Variants in KRIT1 observed in about 807,000 individuals in gnomAD.
KRIT1 encodes the protein KRIT1 ankyrin repeat containing.
Under a neutral mutation model 95.8 loss-of-function variants are expected in KRIT1, and 45 were observed. The observed-to-expected ratio is 0.47, with a 90% CI of 0.37 to 0.60. The LOEUF is 0.60. Among genes scored for constraint, KRIT1 ranks in the 20% least tolerant of loss-of-function variants. The probability of loss-of-function intolerance (pLI) is 0.00; values close to 1 mark genes in which losing one functional copy is unlikely to be tolerated. For synonymous variants in KRIT1, 282 were observed against 278.8 expected (o/e 1.01, Z -0.11); for missense variants, 788 against 877.5 (o/e 0.90, Z 1.29).
rs1382124919 is a variant in KRIT1 at position 92,241,110 on chromosome 7, T to C, written c.145A>G (p.Arg49Gly). Reference protein sequence around the residue: ...EVPIEGQKKKRKKVLLETKLQ... With the variant: ...EVPIEGQKKKGKKVLLETKLQ... ...TTCGTTTCCAATAAAACTTTCTTTCTCTTTTTTTTCTGTCCTTCAATGGGA... is the reference window on the plus strand; with the variant it reads ...TTCGTTTCCAATAAAACTTTCTTTCCCTTTTTTTTCTGTCCTTCAATGGGA... Residue 49 changes from arginine (R) to glycine (G), a missense_variant, in exon 5 of 19, where the codon AGA becomes GGA. This residue lies in a region of KRIT1 where 289 missense variants were observed against 277.5 expected (regional missense o/e 1.04). Transcript: ENST00000394505. 1.2e-6 allele frequency: 2 copies of C among 1,610,992 alleles called. No homozygotes were observed. Among genetic ancestry groups the C allele is most frequent in the East Asian group, 4.5e-5 (2 of 44,850 alleles).
intron 10 of KRIT1, among the ~76,000 whole-genome samples, chr7:92,232,928 C>T (rs1797624719): frequency 6.6e-6 from 1 of 152,038 alleles, no homozygotes; most frequent in Admixed American, 6.6e-5. Context: ...CTCCTGACCT[C>T]GTGATCCGCC....
At chr7:92,215,216 C>T (rs188720831) in intron 14 of KRIT1, among the ~76,000 whole-genome samples, 8 of 152,110 alleles carry the variant, frequency 5.3e-5, no homozygotes, top group Admixed American at 3.3e-4. Context: ...ACCTGGTTGT[C>T]TAACAAATAT....
At position 92,222,776 on chromosome 7, in the gene KRIT1, A is replaced by G. The variant is rs1430534095; in HGVS notation, c.1411+46T>C. 3.2e-6 allele frequency: 4 copies of G among 1,235,160 alleles called. No individual in the cohort carries two copies. In the Admixed American group the frequency reaches 5.1e-5, roughly 16 times the overall value. 76.5% of individuals were successfully genotyped at this position (1,235,160 alleles called of 1,614,324 possible). A position where few individuals can be genotyped will look rare whatever the true frequency, so the allele number is the denominator to read the frequency against. On this transcript the variant is annotated intron_variant, in intron 13 of 18. Transcript: ENST00000394505. Reference sequence around the variant, plus strand: ...TGTATTTTCTACCAACCCACTCCCAAAAAGGAATAATGAGGTTTACTATAA... The same window carrying G: ...TGTATTTTCTACCAACCCACTCCCAGAAAGGAATAATGAGGTTTACTATAA...
chr7:92,222,223 CTTA>C (rs1795277230), intron 13 of KRIT1, among the ~76,000 whole-genome samples, 170 bp from the exon 14 acceptor site: 1 of 152,002 alleles, frequency 6.6e-6, no homozygotes, highest in African/African-American at 2.4e-5. Context: ...TGGTTAACTG[CTTA>C]TTATCAAGAA....
At chr7:92,206,861 AC>A (rs768134709) in intron 17 of KRIT1, 6 of 151,634 alleles carry the variant, frequency 4.0e-5, no homozygotes, top group Non-Finnish European at 7.4e-5. Flanking sequence ...AAAAAGCACA[AC>A]TGAGAGCTTC....
intron 3 of KRIT1, among the ~76,000 whole-genome samples, chr7:92,243,204 T>C (rs1337421555): frequency 6.6e-6 from 1 of 152,222 alleles, no homozygotes; most frequent in Non-Finnish European, 1.5e-5. Flanking sequence ...CACTAAATCT[T>C]AAGTCTCCAT....
At chr7:92,219,334 T>A (rs943066215) in intron 14 of KRIT1, among the ~76,000 whole-genome samples, 6 of 152,154 alleles carry the variant, frequency 3.9e-5, no homozygotes, top group African/African-American at 1.4e-4. Flanking sequence ...GAGGTTGGGG[T>A]CCAATTTCCT....
chr7:92,241,555 T>C (rs536045078), intron 4 of KRIT1, among the ~76,000 whole-genome samples: 3 of 152,342 alleles, frequency 2.0e-5, no homozygotes, highest in South Asian at 2.1e-4. Flanking sequence ...GTTATATATA[T>C]GTATATGTAT....
chr7:92,231,317 T>C (rs1341181452), intron 10 of KRIT1, among the ~76,000 whole-genome samples: 1 of 152,196 alleles, frequency 6.6e-6, no homozygotes, highest in Non-Finnish European at 1.5e-5. Context: ...TTCATTAAAT[T>C]GTGTTATGTT....
intron 3 of KRIT1, among the ~76,000 whole-genome samples, chr7:92,242,504 TA>T (rs537983844): frequency 2.0e-3 from 300 of 152,254 alleles, no homozygotes; most frequent in African/African-American, 6.8e-3. Context: ...AACTTGTAAA[TA>T]ATGACTTGAA....
At position 92,210,065 on chromosome 7, in the gene KRIT1, T is replaced by C. The variant is rs985624973; in HGVS notation, c.2025+3130A>G. On this transcript the variant is annotated intron_variant, in intron 17 of 18. Transcript: ENST00000394505. ...TCCAGCCTGGGTGATGAAGCAAGAC[T>C]CTATCTCAAAATCAATCAATCAATC... Among the ~76,000 whole-genome samples, 15 of 152,176 alleles carry C rather than the reference T, an allele frequency of 9.9e-5. No individual in the cohort carries two copies. The South Asian group carries it at 2.9e-3, about 29-fold the overall frequency.
At chr7:92,216,770 A>C (rs1418355644) in intron 14 of KRIT1, among the ~76,000 whole-genome samples, 1 of 152,200 alleles carries the variant, frequency 6.6e-6, no homozygotes, top group Non-Finnish European at 1.5e-5. Flanking sequence ...ATTTCTCAAA[A>C]TAAAATGGAA....
chr7:92,202,708 C>T (rs1252769690), intron 17 of KRIT1, among the ~76,000 whole-genome samples: 2 of 152,064 alleles, frequency 1.3e-5, no homozygotes, highest in East Asian at 3.9e-4. Flanking sequence ...GCCTGGGCAA[C>T]AGTGAGACTC....
chr7:92,215,760 T>C (rs1793835479), intron 14 of KRIT1, among the ~76,000 whole-genome samples: 1 of 151,278 alleles, frequency 6.6e-6, no homozygotes, highest in African/African-American at 2.4e-5. Flanking sequence ...CTGGCCTAGA[T>C]CTTTTTTTTT....
chr7:92,240,974 T>TA lies in KRIT1; in HGVS notation c.262+18dup. On this transcript the variant is annotated intron_variant, in intron 5 of 18. Coordinates refer to ENST00000394505, the MANE Select transcript of KRIT1 (RefSeq NM_194454.3). ...CAAGTATTTTAAACAATGTGTTTTT[T>TA]AAAAAAGAAGTTTCCTACCTCTGAT... 1 of 1,585,112 alleles carries TA rather than the reference T, an allele frequency of 6.3e-7. No individual in the cohort carries two copies. The highest frequency in any genetic ancestry group is 8.7e-7 in the Non-Finnish European group (1 of 1,153,776).
At chr7:92,242,634 C>T (rs965728178) in intron 3 of KRIT1, among the ~76,000 whole-genome samples, 1 of 152,252 alleles carries the variant, frequency 6.6e-6, no homozygotes, top group East Asian at 1.9e-4. Context: ...ACATTTACTC[C>T]AGAACTTTCA....
chr7:92,223,278 A>T (rs1795524823), intron 12 of KRIT1, among the ~76,000 whole-genome samples: 1 of 149,000 alleles, frequency 6.7e-6, no homozygotes, highest in Non-Finnish European at 1.5e-5. Flanking sequence ...AAATACAAAA[A>T]AAAAAAAAAA....
intron 17 of KRIT1, chr7:92,206,431 CCA>C (rs1420036779): frequency 1.3e-5 from 2 of 152,406 alleles, no homozygotes; most frequent in East Asian, 1.9e-4. Context: ...TCATTAACAA[CCA>C]CAGTCTAAGC....
chr7:92,235,355 G>C (rs750648584), intron 8 of KRIT1, 48 bp downstream of exon 8: 1 of 1,586,342 alleles, frequency 6.3e-7, no homozygotes, highest in South Asian at 1.1e-5. Flanking sequence ...AATTACACTT[G>C]AGATAAAACG....
Sources: allele counts gnomAD v4.1 joint callset (sites outside exome capture counted in the v4.1 genomes callset), GRCh38; gene constraint gnomAD v4.1.1; regional missense constraint gnomAD v4.1.1; transcripts MANE v1.5; gene names NCBI Gene and HGNC (gene_info 2026-07-23, HGNC 2026-07-21).